CFAP251: variants seen among roughly 807,000 people sequenced by gnomAD.
CFAP251 encodes the protein cilia and flagella associated protein 251.
In CFAP251, 93 loss-of-function variants were observed where a neutral mutation model predicts 126.7. The ratio of observed to expected loss-of-function variants is 0.73; its 90% confidence interval spans 0.62 to 0.87. The LOEUF is 0.87. Ranked by LOEUF, CFAP251 falls within the 40% of genes least tolerant of loss-of-function variation. The probability of loss-of-function intolerance (pLI) is 0.00; values close to 1 mark genes in which losing one functional copy is unlikely to be tolerated. For missense variants in CFAP251, 1,287 were observed against 1,389.2 expected (o/e 0.93, Z 1.17); for synonymous variants, 503 against 506.9 (o/e 0.99, Z 0.10).
intron 2 of CFAP251, 118 bp downstream of exon 2, chr12:121,921,801 T>TTTC: frequency 8.1e-7 from 1 of 1,227,624 alleles, no homozygotes; most frequent in African/African-American, 1.6e-5. Context: ...CCTTTTTTTT[T>TTTC]TTTTTTGAGA....
rs528238394 is a variant in CFAP251, at chr12:121,945,652, T to A, written c.1191+2677T>A. Among the ~76,000 whole-genome samples, 36 of 142,238 alleles carry A rather than the reference T, an allele frequency of 2.5e-4. 1 individual carries two copies. The South Asian group carries it at 8.1e-3, about 32-fold the overall frequency. 93.3% of individuals were successfully genotyped at this position (142,238 alleles called of 152,430 possible). On this transcript the variant is annotated intron_variant, in intron 7 of 21. Transcript: ENST00000288912. The stretch of plus-strand genomic sequence containing the variant: ...GCCACCGTGCCCGGCCAGAGTGTTA[T>A]TTTTATTTTTCATTTTTATTTATTT...
intron 19 of CFAP251, chr12:121,998,918 A>AAAAAG (rs1555221247): frequency 5.7e-5 from 8 of 141,546 alleles, no homozygotes; most frequent in African/African-American, 1.9e-4. Context: ...AAAAAAAAAA[A>AAAAAG]GGGGGAAGTG....
At chr12:121,929,763 C>G (rs959410550) in intron 3 of CFAP251, among the ~76,000 whole-genome samples, 2 of 151,858 alleles carry the variant, frequency 1.3e-5, no homozygotes, top group Non-Finnish European at 2.9e-5. Context: ...CTATAACCTC[C>G]GCCTCCTGGG....
intron 5 of CFAP251, among the ~76,000 whole-genome samples, chr12:121,940,504 T>C (rs529646799): frequency 6.6e-6 from 1 of 152,282 alleles, no homozygotes; most frequent in East Asian, 1.9e-4. Flanking sequence ...GAGGCCTGTT[T>C]ATCTTCACTG....
chr12:121,986,260 G>A (rs1335986004), intron 19 of CFAP251, among the ~76,000 whole-genome samples: 1 of 151,558 alleles, frequency 6.6e-6, no homozygotes, highest in Non-Finnish European at 1.5e-5. Context: ...CCAAAGTGCT[G>A]GGATTATAGG....
At chr12:121,960,113 A>G (rs1455992041) in intron 13 of CFAP251, among the ~76,000 whole-genome samples, 1 of 152,210 alleles carries the variant, frequency 6.6e-6, no homozygotes, top group East Asian at 1.9e-4. Context: ...AGCCTGGGCA[A>G]CAGATCAAGA....
intron 21 of CFAP251, 109 bp downstream of exon 21, chr12:122,001,707 C>A: frequency 1.2e-6 from 1 of 819,000 alleles, no homozygotes; most frequent in Non-Finnish European, 2.1e-6. Flanking sequence ...CCTAAGACTG[C>A]ACATAACAAA....
chr12:121,993,113 G>A (rs1436249401), intron 19 of CFAP251, among the ~76,000 whole-genome samples: 8 of 140,098 alleles, frequency 5.7e-5, no homozygotes, highest in African/African-American at 2.1e-4. Context: ...GAGTGCCTGC[G>A]ATTGCAGGCA....
At chr12:121,968,269 AG>A in intron 17 of CFAP251, 100 bp downstream of exon 17, 1 of 1,201,476 alleles carries the variant, frequency 8.3e-7, no homozygotes, top group Admixed American at 2.7e-5. Context: ...GCACTGTGCT[AG>A]GATGTCACAG....
chr12:121,968,515 C>T (rs952748140), intron 17 of CFAP251, among the ~76,000 whole-genome samples: 3 of 149,930 alleles, frequency 2.0e-5, no homozygotes, highest in South Asian at 2.1e-4. Context: ...AGGATCATTT[C>T]AAGTGGTATT....
chr12:121,941,114 T>A (rs1224078953), intron 5 of CFAP251, among the ~76,000 whole-genome samples: 1 of 152,092 alleles, frequency 6.6e-6, no homozygotes, highest in African/African-American at 2.4e-5. Flanking sequence ...CACTGCAAAC[T>A]CCGCCTCCTG....
At chr12:122,002,117 G>T (rs1883165001) in intron 21 of CFAP251, among the ~76,000 whole-genome samples, 1 of 152,096 alleles carries the variant, frequency 6.6e-6, no homozygotes, top group Admixed American at 6.5e-5. Context: ...TGCTTTGGGA[G>T]GCCGAGGAGG....
chr12:121,984,254 A>G (rs1262929699), intron 19 of CFAP251, among the ~76,000 whole-genome samples: 1 of 152,108 alleles, frequency 6.6e-6, no homozygotes, highest in African/African-American at 2.4e-5. Flanking sequence ...GGAGCAAAAC[A>G]CAGCCAAAGT....
chr12:121,934,852 G>C (rs572423653), intron 5 of CFAP251, among the ~76,000 whole-genome samples: 1 of 152,278 alleles, frequency 6.6e-6, no homozygotes, highest in South Asian at 2.1e-4. Flanking sequence ...CATTGCCCAC[G>C]CTGGAGTGCG....
At chr12:121,920,223 T>TAC (rs1491342081) in intron 1 of CFAP251, among the ~76,000 whole-genome samples, 1 of 3,028 alleles carries the variant, frequency 3.3e-4, no homozygotes, top group Non-Finnish European at 6.3e-4. Flanking sequence ...CAAATGTGAC[T>TAC]TTTTTTTTTT....
At position 121,958,393 on chromosome 12, in the gene CFAP251, CA is replaced by C. The variant is rs925534904; in HGVS notation, c.1854del (p.Gln618HisfsTer12). ...AICAISCHPY[Q>X]PLIAIGSICG... Reference sequence around the variant, plus strand: ...TTGTGCCATCTCCTGCCACCCATATCAACCCCTCATTGCCATCGGGAGCATC... The same window carrying C: ...TTGTGCCATCTCCTGCCACCCATATCACCCCTCATTGCCATCGGGAGCATC... On this transcript the variant is annotated frameshift_variant, in exon 12 of 22. Coordinates refer to ENST00000288912, the MANE Select transcript of CFAP251 (RefSeq NM_144668.6). LOFTEE classifies it high-confidence loss of function. 6.2e-6 allele frequency: 10 copies of C among 1,614,154 alleles called. No homozygotes were observed. In the Admixed American group the frequency reaches 1.5e-4, roughly 24 times the overall value.
intron 17 of CFAP251, among the ~76,000 whole-genome samples, chr12:121,972,489 A>AT (rs1410124157): frequency 0.019 from 2,800 of 143,680 alleles, 63 homozygotes; most frequent in African/African-American, 0.058. Context: ...TGGTAGAGTA[A>AT]TTTTTTTTTT....
At chr12:121,950,217 C>T (rs559273457) in intron 8 of CFAP251, 4 of 152,284 alleles carry the variant, frequency 2.6e-5, no homozygotes, top group South Asian at 2.1e-4. Context: ...ACACCAGACA[C>T]GAAAGTCACG....
chr12:121,989,835 G>A lies in CFAP251; in HGVS notation c.3007-9881G>A, dbSNP rs561692206. Among the ~76,000 whole-genome samples, 3 of 152,256 alleles carry A rather than the reference G, an allele frequency of 2.0e-5. No individual in the cohort carries two copies. The highest frequency in any genetic ancestry group is 2.1e-4 in the South Asian group (1 of 4,818). On this transcript the variant is annotated intron_variant, in intron 19 of 21. Coordinates refer to ENST00000288912, the MANE Select transcript of CFAP251 (RefSeq NM_144668.6). The surrounding 1 kb of genome is among the most constrained non-coding windows in gnomAD (Gnocchi z 4.2). ...GGAATGGCCCCAGTTCAAATATATCGTGTTCCTCTCCATTTAATAGGGAGG... is the reference window on the plus strand; with the variant it reads ...GGAATGGCCCCAGTTCAAATATATCATGTTCCTCTCCATTTAATAGGGAGG...
Sources: allele counts gnomAD v4.1 joint callset (sites outside exome capture counted in the v4.1 genomes callset), GRCh38; gene constraint gnomAD v4.1.1; non-coding constraint Gnocchi (gnomAD v3.1); transcripts MANE v1.5; gene names NCBI Gene and HGNC (gene_info 2026-07-23, HGNC 2026-07-21).